The following MOB3B variants were observed in gnomAD, a reference collection of about 807,000 sequenced individuals.
MOB3B encodes MOB kinase activator-like 2B.
A neutral mutation model predicts 18.7 loss-of-function variants in MOB3B; 7 were observed. The ratio of observed to expected loss-of-function variants is 0.37; its 90% CI spans 0.21 to 0.70. MOB3B has a LOEUF of 0.70. MOB3B is among the 30% of genes least tolerant of loss of function. The pLI, the probability that MOB3B is intolerant of heterozygous loss-of-function variation, is 0.52. For synonymous variants in MOB3B, 111 were observed against 99.9 expected (o/e 1.11, Z -0.66); for missense variants, 253 against 281.3 (o/e 0.90, Z 0.72).
chr9:27,358,982 T>C, intron 3 of MOB3B, 52 bp downstream of exon 3: 1 of 1,570,656 alleles, frequency 6.4e-7, no homozygotes, highest in Non-Finnish European at 8.8e-7. Flanking sequence ...CTCTGACAAA[T>C]GGCCGAGCTC....
chr9:27,339,724 C>G (rs188500917), intron 3 of MOB3B, among the ~76,000 whole-genome samples: 1 of 152,252 alleles, frequency 6.6e-6, no homozygotes, highest in Admixed American at 6.5e-5. Context: ...CCTAACCAGT[C>G]TACTATATCC....
intron 2 of MOB3B, among the ~76,000 whole-genome samples, chr9:27,418,521 G>C (rs1483979944): frequency 6.6e-6 from 1 of 152,144 alleles, no homozygotes; most frequent in Non-Finnish European, 1.5e-5. Flanking sequence ...GAGATACAGG[G>C]ATGGTTTAAC....
chr9:27,491,047 A>AT (rs1819809385), intron 1 of MOB3B, among the ~76,000 whole-genome samples: 1 of 152,250 alleles, frequency 6.6e-6, no homozygotes, highest in African/African-American at 2.4e-5. Context: ...TAGTGATAAT[A>AT]ATTGCAACAA....
intron 1 of MOB3B, among the ~76,000 whole-genome samples, chr9:27,499,793 T>A (rs1358858350): frequency 6.6e-6 from 1 of 152,172 alleles, no homozygotes; most frequent in East Asian, 1.9e-4. Flanking sequence ...ATGTATCTAA[T>A]ACTGAAGGAT....
At chr9:27,370,822 C>G (rs1177029435) in intron 2 of MOB3B, among the ~76,000 whole-genome samples, 1 of 152,150 alleles carries the variant, frequency 6.6e-6, no homozygotes, top group Admixed American at 6.5e-5. Context: ...TGCTTGGGTT[C>G]CCCTTACTTT....
intron 2 of MOB3B, among the ~76,000 whole-genome samples, chr9:27,448,776 T>C (rs142653349): frequency 6.6e-6 from 1 of 152,198 alleles, no homozygotes; most frequent in Admixed American, 6.5e-5. Context: ...AACAGTTTAC[T>C]AGATCCCACA....
intron 2 of MOB3B, among the ~76,000 whole-genome samples, chr9:27,394,766 T>A (rs1225375039): frequency 7.9e-6 from 1 of 125,796 alleles, no homozygotes; most frequent in Non-Finnish European, 1.8e-5. Flanking sequence ...CTTAACTGAC[T>A]TTTTTTTTTC....
At chr9:27,413,235 G>T (rs1822099543) in intron 2 of MOB3B, among the ~76,000 whole-genome samples, 1 of 152,112 alleles carries the variant, frequency 6.6e-6, no homozygotes. Flanking sequence ...CAGCAGAGAG[G>T]TCGGGGGCAA....
At chr9:27,399,273 A>G (rs1413566943) in intron 2 of MOB3B, among the ~76,000 whole-genome samples, 1 of 152,232 alleles carries the variant, frequency 6.6e-6, no homozygotes, top group African/African-American at 2.4e-5. Context: ...TAATCACAGG[A>G]GGAAGGCTAT....
At chr9:27,526,375 A>G (rs1256410940) in intron 1 of MOB3B, 10 of 152,376 alleles carry the variant, frequency 6.6e-5, no homozygotes, top group Non-Finnish European at 1.0e-4. Flanking sequence ...GAGTTGTTCC[A>G]GATTAAAAAT....
rs1193946683 is a variant in MOB3B, at chr9:27,328,295, G to GT, written c.*2291dup. The GT allele has an allele frequency of 6.6e-6, 1 of 151,934 alleles. No homozygotes were observed. The highest frequency in any genetic ancestry group is 2.4e-5 in the African/African-American group (1 of 41,344). The allele number at this position is 151,934 out of a possible 1,614,324, so 9.4% of individuals were successfully genotyped here. On this transcript the variant is annotated 3_prime_UTR_variant, in exon 4 of 4. Transcript: ENST00000262244. ...GCTCCATTTATAACAGAGATGAACA[G>GT]TTAGATGCAGTCAAGCAGAGGAGAT...
chr9:27,388,725 T>C (rs1018921154), intron 2 of MOB3B, among the ~76,000 whole-genome samples: 3 of 152,132 alleles, frequency 2.0e-5, no homozygotes, highest in African/African-American at 7.2e-5. Flanking sequence ...GAATATATTC[T>C]TTTCCTTTCC....
At chr9:27,477,436 A>C (rs1412607658) in intron 1 of MOB3B, among the ~76,000 whole-genome samples, 1 of 152,108 alleles carries the variant, frequency 6.6e-6, no homozygotes, top group African/African-American at 2.4e-5. Context: ...AATTTTCTTC[A>C]TCGCTCCAGC....
At chr9:27,511,981 T>C (rs7853338) in intron 1 of MOB3B, among the ~76,000 whole-genome samples, 1,972 of 147,088 alleles carry the variant, frequency 0.013, 49 homozygotes, top group African/African-American at 0.046. Context: ...TTCCAGCCAA[T>C]GGAATGGGAC....
chr9:27,510,333 C>T (rs1282413167), intron 1 of MOB3B, among the ~76,000 whole-genome samples: 1 of 152,208 alleles, frequency 6.6e-6, no homozygotes, highest in Non-Finnish European at 1.5e-5. Flanking sequence ...CCAAGAGTAA[C>T]TGTGCAATCT....
chr9:27,521,602 G>C (rs1457608268), intron 1 of MOB3B, among the ~76,000 whole-genome samples: 1 of 152,120 alleles, frequency 6.6e-6, no homozygotes, highest in Non-Finnish European at 1.5e-5. Flanking sequence ...AGTTCTAATT[G>C]GAACAGTTCA....
At chr9:27,376,639 T>G (rs1821493258) in intron 2 of MOB3B, among the ~76,000 whole-genome samples, 1 of 152,224 alleles carries the variant, frequency 6.6e-6, no homozygotes, top group Non-Finnish European at 1.5e-5. Flanking sequence ...CAATTGAATC[T>G]GAAGTTCCTC....
At chr9:27,486,746 A>G (rs1400636506) in intron 1 of MOB3B, among the ~76,000 whole-genome samples, 1 of 152,224 alleles carries the variant, frequency 6.6e-6, no homozygotes, top group African/African-American at 2.4e-5. Flanking sequence ...AATGGGAATA[A>G]AGAAAATATG....
At chr9:27,345,886 T>C (rs980247911) in intron 3 of MOB3B, among the ~76,000 whole-genome samples, 3 of 152,262 alleles carry the variant, frequency 2.0e-5, no homozygotes, top group Non-Finnish European at 4.4e-5. Context: ...ATCTAGCTGC[T>C]GCAGATCATC....
Sources: allele counts gnomAD v4.1 joint callset (sites outside exome capture counted in the v4.1 genomes callset), GRCh38; gene constraint gnomAD v4.1.1; transcripts MANE v1.5; gene names NCBI Gene and HGNC (gene_info 2026-07-23, HGNC 2026-07-21).